The following TBCE variants were observed in gnomAD, a reference collection of about 807,000 sequenced individuals.
TBCE encodes tubulin folding cofactor E, also known as tubulin-specific chaperone E.
In TBCE, 53 loss-of-function variants were observed where a neutral mutation model predicts 77.0. The ratio of observed to expected loss-of-function variants is 0.69; its 90% CI spans 0.55 to 0.87. The LOEUF (loss-of-function observed/expected upper bound fraction) is 0.87. Ranked by LOEUF, TBCE falls within the 40% of genes least tolerant of loss-of-function variation. TBCE has a pLI of 0.00. For synonymous variants in TBCE, 235 were observed against 241.3 expected (o/e 0.97, Z 0.24); for missense variants, 624 against 622.4 (o/e 1.00, Z -0.03).
At chr1:235,379,124 T>G (rs1320910750) in intron 1 of TBCE, among the ~76,000 whole-genome samples, 1 of 152,214 alleles carries the variant, frequency 6.6e-6, no homozygotes, top group East Asian at 1.9e-4. Context: ...TTAACTATTA[T>G]GTTTTTGCAG....
intron 6 of TBCE, among the ~76,000 whole-genome samples, chr1:235,427,836 G>A (rs1259024353): frequency 6.6e-6 from 1 of 151,988 alleles, no homozygotes; most frequent in Non-Finnish European, 1.5e-5. Flanking sequence ...TTTGAGACCA[G>A]CCTGACCAAC....
chr1:235,384,563 G>C (rs1272931907), intron 2 of TBCE, among the ~76,000 whole-genome samples: 1 of 149,058 alleles, frequency 6.7e-6, no homozygotes, highest in Non-Finnish European at 1.5e-5. Context: ...ATGTGTCGAG[G>C]AATTTATCCA....
At chr1:235,408,256 G>T (rs1679572548) in intron 3 of TBCE, among the ~76,000 whole-genome samples, 1 of 152,156 alleles carries the variant, frequency 6.6e-6, no homozygotes, top group Non-Finnish European at 1.5e-5. Flanking sequence ...ACGTGTGCCT[G>T]TATCAAAATA....
intron 5 of TBCE, among the ~76,000 whole-genome samples, chr1:235,420,627 C>T (rs1009696069): frequency 4.0e-5 from 6 of 151,768 alleles, no homozygotes; most frequent in African/African-American, 9.7e-5. Flanking sequence ...GGGCTACAGG[C>T]GCCCGCCACC....
rs1458190825 is a variant in TBCE, at chr1:235,451,085, A to G, written c.*2323A>G. 3 of 152,332 alleles carry G rather than the reference A, an allele frequency of 2.0e-5. No individual in the cohort carries two copies. Among genetic ancestry groups the G allele is most frequent in the Admixed American group, 6.5e-5 (1 of 15,286 alleles). The allele number at this position is 152,332 out of a possible 1,614,324, so 9.4% of individuals were successfully genotyped here. ...AGCACTGAGTCAGCCTGTGCCTTGA[A>G]GGCAGCTGCTGATCCTTGGGTTTGG... On this transcript the variant is annotated 3_prime_UTR_variant, in exon 17 of 17. Transcript: ENST00000642610.
At chr1:235,426,159 T>C (rs1680702087) in intron 5 of TBCE, among the ~76,000 whole-genome samples, 1 of 152,204 alleles carries the variant, frequency 6.6e-6, no homozygotes, top group Non-Finnish European at 1.5e-5. Context: ...CCTCTGTCTT[T>C]CTCTGCGGGG....
chr1:235,370,752 T>G (rs940704114), intron 1 of TBCE, among the ~76,000 whole-genome samples: 7 of 150,798 alleles, frequency 4.6e-5, no homozygotes, highest in Non-Finnish European at 1.0e-4. Context: ...TTTCTTTTTT[T>G]TTTTTTTGAG....
chr1:235,384,695 AT>A (rs1479528534), intron 2 of TBCE, among the ~76,000 whole-genome samples: 1 of 151,292 alleles, frequency 6.6e-6, no homozygotes, highest in Non-Finnish European at 1.5e-5. Flanking sequence ...CGTCTATTTG[AT>A]TCTTCTCTCT....
chr1:235,445,671 T>A (rs1362792986), intron 15 of TBCE, among the ~76,000 whole-genome samples: 1 of 151,692 alleles, frequency 6.6e-6, no homozygotes, highest in Non-Finnish European at 1.5e-5. Flanking sequence ...TGCAATATCT[T>A]TTTTTTTATC....
intron 3 of TBCE, among the ~76,000 whole-genome samples, chr1:235,405,605 C>T (rs779432832): frequency 1.7e-4 from 26 of 151,394 alleles, no homozygotes; most frequent in Non-Finnish European, 3.4e-4. Context: ...CATTGCACTC[C>T]AGCTTGGTCA....
chr1:235,438,003 C>T (rs904286429), intron 12 of TBCE, among the ~76,000 whole-genome samples: 1 of 152,076 alleles, frequency 6.6e-6, no homozygotes, highest in Non-Finnish European at 1.5e-5. Flanking sequence ...GCACACCAGG[C>T]ACCGTCTCCA....
intron 4 of TBCE, chr1:235,418,356 C>T (rs1680214710): frequency 6.6e-6 from 1 of 152,226 alleles, no homozygotes; most frequent in Non-Finnish European, 1.5e-5. Flanking sequence ...GGTGCTAATT[C>T]ACTTCTCCAA....
intron 13 of TBCE, 44 bp downstream of exon 13, chr1:235,438,966 G>T: frequency 6.2e-7 from 1 of 1,613,900 alleles, no homozygotes; most frequent in Non-Finnish European, 8.5e-7. Context: ...TGGATTTCCA[G>T]CTGGAACAAA....
chr1:235,424,690 G>A (rs952155645), intron 5 of TBCE, among the ~76,000 whole-genome samples: 10 of 151,760 alleles, frequency 6.6e-5, no homozygotes, highest in African/African-American at 2.4e-4. Context: ...TTTTTAGTAG[G>A]GATGGGGTTT....
chr1:235,441,926 T>A lies in TBCE; in HGVS notation c.1339+44T>A, dbSNP rs762702207. 1.4e-5 allele frequency: 21 copies of A among 1,552,786 alleles called. 1 individual carries two copies. In the South Asian group the frequency reaches 2.4e-4, roughly 17 times the overall value. On this transcript the variant is annotated intron_variant, in intron 14 of 16. Transcript: ENST00000642610. ...AATAGTTTATTTGTATTTGAGTGCT[T>A]AGGTGCTGAAACAGTTAGTGTGTTT...
At chr1:235,440,260 G>A (rs571759714) in intron 13 of TBCE, among the ~76,000 whole-genome samples, 125 of 152,036 alleles carry the variant, frequency 8.2e-4, no homozygotes, top group Middle Eastern at 6.8e-3. Context: ...GTGAGCCACC[G>A]CGCCCAGCCA....
chr1:235,419,223 G>C lies in TBCE; in HGVS notation c.372-250G>C, dbSNP rs536016079. ...CTCTGGCTAAAAAGCAAAAAGAAAA[G>C]TTTACCTCTGGGAGTAGAGGGAGAA... On this transcript the variant is annotated intron_variant, in intron 4 of 16. Coordinates refer to ENST00000642610, the MANE Select transcript of TBCE (RefSeq NM_003193.5). The C allele has an allele frequency of 1.1e-3, 630 of 579,392 alleles. 5 individuals are homozygous for C. Among genetic ancestry groups the C allele is most frequent in the Middle Eastern group, 3.9e-3 (8 of 2,050 alleles). The allele number at this position is 579,392 out of a possible 1,614,324, so 35.9% of individuals were successfully genotyped here.
chr1:235,434,623 G>A (rs904386259), intron 8 of TBCE, among the ~76,000 whole-genome samples: 1 of 148,572 alleles, frequency 6.7e-6, no homozygotes, highest in Non-Finnish European at 1.5e-5. Flanking sequence ...TGTAACCTCC[G>A]CCTCCTGAGT....
intron 1 of TBCE, among the ~76,000 whole-genome samples, chr1:235,373,963 T>C (rs1445159789): frequency 6.9e-6 from 1 of 145,374 alleles, no homozygotes; most frequent in East Asian, 1.9e-4. Context: ...ATTTTTATTT[T>C]TTAAATTTTA....
Sources: gnomAD v4.1 joint callset for allele counts (sites outside exome capture counted in the v4.1 genomes callset) on GRCh38, gnomAD v4.1.1 for gene constraint, MANE v1.5 for transcripts, NCBI Gene and HGNC (gene_info 2026-07-23, HGNC 2026-07-21) for gene names.